Variants in HSF5 observed in about 807,000 individuals in gnomAD.
The protein encoded by HSF5 is heat shock transcription factor 5, also known as heat shock factor protein 5.
In HSF5, 5 loss-of-function variants were observed where a neutral mutation model predicts 50.8. That is an observed-to-expected ratio of 0.10 (90% confidence interval 0.05 to 0.21). The LOEUF is 0.21. Ranked by LOEUF, HSF5 falls within the 10% of genes least tolerant of loss-of-function variation. The pLI, the probability that HSF5 is intolerant of heterozygous loss-of-function variation, is 1.00. For synonymous variants in HSF5, 307 were observed against 307.4 expected (o/e 1.00, Z 0.02); for missense variants, 564 against 762.6 (o/e 0.74, Z 3.07).
At chr17:58,477,266 C>A (rs1366357453) in intron 2 of HSF5, among the ~76,000 whole-genome samples, 1 of 151,280 alleles carries the variant, frequency 6.6e-6, no homozygotes, top group Non-Finnish European at 1.5e-5. Context: ...ATTACAGGCA[C>A]CCGCCACCAT....
intron 5 of HSF5, among the ~76,000 whole-genome samples, chr17:58,453,747 G>GA (rs1394336288): frequency 3.3e-5 from 5 of 152,052 alleles, no homozygotes. Flanking sequence ...AATCAAGGAT[G>GA]AAAACCACAT....
At chr17:58,434,773 G>A (rs1315370305) in intron 5 of HSF5, among the ~76,000 whole-genome samples, 7 of 152,160 alleles carry the variant, frequency 4.6e-5, no homozygotes, top group Non-Finnish European at 1.0e-4. Context: ...AGGATTGCTT[G>A]AGCCGGGAAG....
chr17:58,438,876 G>A (rs1025564150), intron 5 of HSF5, among the ~76,000 whole-genome samples: 10 of 152,054 alleles, frequency 6.6e-5, no homozygotes, highest in African/African-American at 2.4e-4. Context: ...CAGCACTTTG[G>A]GAGGCTAAGT....
chr17:58,434,611 T>C (rs1974403627), intron 5 of HSF5, among the ~76,000 whole-genome samples: 1 of 151,038 alleles, frequency 6.6e-6, no homozygotes, highest in Non-Finnish European at 1.5e-5. Flanking sequence ...ATCCCAGCAC[T>C]TTGGAGGCCA....
At position 58,482,368 on chromosome 17, in the gene HSF5, C is replaced by T. The variant is rs142016372; in HGVS notation, c.551-2101G>A. Among the ~76,000 whole-genome samples the T allele has an allele frequency of 3.3e-4, 50 of 152,072 alleles. 1 individual carries two copies. The East Asian group carries it at 9.1e-3, about 28-fold the overall frequency. The stretch of plus-strand genomic sequence containing the variant: ...ATCCCAGCACTTTGCGAGGCCAAGG[C>T]GGGAGGATTGCTTGAGCTCAGGAAT... On this transcript the variant is annotated intron_variant, in intron 1 of 5. Transcript: ENST00000323777.
intron 5 of HSF5, among the ~76,000 whole-genome samples, chr17:58,425,575 C>CAA (rs66502039): frequency 0.02 from 649 of 32,924 alleles, 75 homozygotes; most frequent in African/African-American, 0.063. Context: ...ACCTCTATCT[C>CAA]AAAAAAAAAA....
chr17:58,458,705 A>C, intron 5 of HSF5, 63 bp downstream of exon 5: 1 of 1,363,802 alleles, frequency 7.3e-7, no homozygotes, highest in Non-Finnish European at 1.0e-6. Flanking sequence ...AAAAAATGTC[A>C]TTCATATATT....
At chr17:58,468,476 T>A (rs1974901872) in intron 2 of HSF5, among the ~76,000 whole-genome samples, 1 of 152,190 alleles carries the variant, frequency 6.6e-6, no homozygotes, top group South Asian at 2.1e-4. Flanking sequence ...ACATTTGTAG[T>A]TTTACTAGAA....
At position 58,463,287 on chromosome 17, in the gene HSF5, G is replaced by A. The variant is rs1261592036; in HGVS notation, c.1037C>T (p.Ser346Phe). 2 of 1,612,542 alleles carry A rather than the reference G, an allele frequency of 1.2e-6. No individual in the cohort carries two copies. The highest frequency in any genetic ancestry group is 1.3e-5 in the African/African-American group (1 of 74,846). ...CNYFQNPSMQSSYPVEFLPSN... is the reference protein window; with the variant it reads ...CNYFQNPSMQFSYPVEFLPSN... ...AGGCAAAAATTCAACTGGATAGGAG[G>A]ACTGCATTGAAGGATTCTGGGAAAA... The change falls in exon 4 of 6, where the codon TCC (serine) becomes TTC (phenylalanine). Residue 346 changes from serine (S) to phenylalanine (F), a missense_variant. Coordinates refer to ENST00000323777, the MANE Select transcript of HSF5 (RefSeq NM_001080439.3).
intron 4 of HSF5, among the ~76,000 whole-genome samples, chr17:58,461,968 C>G (rs1974801184): frequency 6.6e-6 from 1 of 152,096 alleles, no homozygotes; most frequent in Non-Finnish European, 1.5e-5. Flanking sequence ...GTGGTGAAGT[C>G]TGGGCTTTGG....
At chr17:58,481,974 TG>T (rs1283747896) in intron 1 of HSF5, among the ~76,000 whole-genome samples, 11 of 152,184 alleles carry the variant, frequency 7.2e-5, no homozygotes, top group Non-Finnish European at 1.5e-5. Context: ...TACTCCAGCC[TG>T]GGTGACACAG....
At chr17:58,481,588 A>T (rs570145684) in intron 1 of HSF5, among the ~76,000 whole-genome samples, 1 of 152,396 alleles carries the variant, frequency 6.6e-6, no homozygotes, top group South Asian at 2.1e-4. Context: ...CTACTCAAGT[A>T]TTAAACTACA....
intron 5 of HSF5, among the ~76,000 whole-genome samples, chr17:58,446,881 C>T (rs897333776): frequency 3.9e-5 from 6 of 152,144 alleles, no homozygotes; most frequent in African/African-American, 1.4e-4. Context: ...AATCCCAGCA[C>T]TTTGGGAGGC....
intron 5 of HSF5, among the ~76,000 whole-genome samples, chr17:58,431,666 C>T (rs1420956847): frequency 6.6e-6 from 1 of 152,194 alleles, no homozygotes; most frequent in Non-Finnish European, 1.5e-5. Context: ...GGAATGGTGT[C>T]TTTTGTAAAA....
At chr17:58,433,172 C>T (rs916533475) in intron 5 of HSF5, among the ~76,000 whole-genome samples, 5 of 152,166 alleles carry the variant, frequency 3.3e-5, no homozygotes, top group Non-Finnish European at 5.9e-5. Flanking sequence ...TGCCACCAAG[C>T]ATGTTTTTTG....
At chr17:58,445,337 G>A (rs1974546568) in intron 5 of HSF5, among the ~76,000 whole-genome samples, 1 of 152,162 alleles carries the variant, frequency 6.6e-6, no homozygotes, top group South Asian at 2.1e-4. Flanking sequence ...CCCAGTACTT[G>A]GGAGGCTGAG....
intron 5 of HSF5, among the ~76,000 whole-genome samples, chr17:58,446,137 CAAA>C (rs575406434): frequency 1.0e-4 from 5 of 47,820 alleles, no homozygotes; most frequent in Non-Finnish European, 1.3e-4. Context: ...AACTCCATCT[CAAA>C]AAAAAAAAAA....
rs573428469 is a variant in HSF5, at chr17:58,434,059, G to A, written c.1721-11629C>T. Among the ~76,000 whole-genome samples, 7 of 151,678 alleles carry A rather than the reference G, an allele frequency of 4.6e-5. No individual in the cohort carries two copies. In the East Asian group the frequency reaches 1.2e-3, roughly 25 times the overall value. On this transcript the variant is annotated intron_variant, in intron 5 of 5. Coordinates refer to ENST00000323777, the MANE Select transcript of HSF5 (RefSeq NM_001080439.3). The stretch of plus-strand genomic sequence containing the variant: ...CTCCCGAGTAGCTGGGATTACAGGC[G>A]CATGCCACCCCGCCTGGTTAATTTT...
At chr17:58,440,568 G>A (rs1023722259) in intron 5 of HSF5, among the ~76,000 whole-genome samples, 5 of 152,118 alleles carry the variant, frequency 3.3e-5, no homozygotes, top group East Asian at 1.9e-4. Flanking sequence ...AGCATACAGC[G>A]AAAATAACCA....
Sources: allele counts gnomAD v4.1 joint callset (sites outside exome capture counted in the v4.1 genomes callset), GRCh38; gene constraint gnomAD v4.1.1; transcripts MANE v1.5; gene names NCBI Gene and HGNC (gene_info 2026-07-23, HGNC 2026-07-21).